The following CNBD1 variants were observed in gnomAD, a reference collection of about 807,000 sequenced individuals.
CNBD1 encodes cyclic nucleotide-binding domain-containing protein 1.
Under a neutral mutation model 54.4 loss-of-function variants are expected in CNBD1, and 71 were observed. The observed-to-expected ratio is 1.30, with a 90% CI of 1.08 to 1.59. The LOEUF (loss-of-function observed/expected upper bound fraction) is 1.59, where lower values mean the gene tolerates loss of function less well. Among genes scored for constraint, CNBD1 ranks in the 40% most tolerant of loss-of-function variants. The pLI, the probability that CNBD1 is intolerant of heterozygous loss-of-function variation, is 0.00. For synonymous variants in CNBD1, 182 were observed against 170.7 expected (o/e 1.07, Z -0.51); for missense variants, 659 against 518.0 (o/e 1.27, Z -2.64).
At chr8:87,383,177 A>T (rs1563580181), downstream of CNBD1, among the ~76,000 whole-genome samples, 1 of 152,080 alleles carries the variant, frequency 6.6e-6, no homozygotes, top group Non-Finnish European at 1.5e-5. Flanking sequence ...TAATAAAGTC[A>T]TTTCCTTGAT....
intron 4 of CNBD1, among the ~76,000 whole-genome samples, chr8:86,999,020 A>G (rs916465790): frequency 6.6e-6 from 1 of 152,228 alleles, no homozygotes; most frequent in Non-Finnish European, 1.5e-5. Context: ...ACTTTGGTCA[A>G]TTGTAATCAC....
chr8:86,970,750 C>T (rs1341629522), intron 4 of CNBD1, among the ~76,000 whole-genome samples: 2 of 152,114 alleles, frequency 1.3e-5, no homozygotes, highest in Non-Finnish European at 2.9e-5. Context: ...AATTTATGAC[C>T]TCCAGCTGCA....
intron 1 of CNBD1, among the ~76,000 whole-genome samples, chr8:86,870,343 C>T (rs1342422103): frequency 1.3e-5 from 2 of 151,614 alleles, no homozygotes; most frequent in African/African-American, 2.4e-5. Context: ...ATATGTTAGT[C>T]GCAGCCACGC....
intron 4 of CNBD1, among the ~76,000 whole-genome samples, chr8:87,199,676 A>C (rs1007575522): frequency 1.3e-5 from 2 of 152,192 alleles, no homozygotes; most frequent in African/African-American, 4.8e-5. Flanking sequence ...ACCTTTTGAC[A>C]AATAACTTTC....
chr8:86,981,896 G>C (rs1347993588), intron 4 of CNBD1, among the ~76,000 whole-genome samples: 1 of 152,124 alleles, frequency 6.6e-6, no homozygotes, highest in Non-Finnish European at 1.5e-5. Context: ...GACATCTGTT[G>C]TCTGTTCACA....
chr8:87,184,971 TTTTA>T (rs761141294), intron 4 of CNBD1, among the ~76,000 whole-genome samples: 4 of 152,206 alleles, frequency 2.6e-5, no homozygotes, highest in African/African-American at 9.6e-5. Context: ...CTTTTGAGTT[TTTTA>T]TTTGACTTCT....
At chr8:87,357,838 G>T (rs1460107054) in intron 10 of CNBD1, among the ~76,000 whole-genome samples, 1 of 152,060 alleles carries the variant, frequency 6.6e-6, no homozygotes, top group Non-Finnish European at 1.5e-5. Flanking sequence ...CAGGTTGAAG[G>T]GTGATCCTCA....
chr8:87,223,845 T>C (rs1449783024), intron 5 of CNBD1, among the ~76,000 whole-genome samples: 1 of 152,116 alleles, frequency 6.6e-6, no homozygotes, highest in Non-Finnish European at 1.5e-5. Flanking sequence ...TGAACTAGTT[T>C]ACAGTCCCAC....
At chr8:86,983,199 AC>A (rs1808526813) in intron 4 of CNBD1, among the ~76,000 whole-genome samples, 1 of 152,146 alleles carries the variant, frequency 6.6e-6, no homozygotes, top group Admixed American at 6.6e-5. Flanking sequence ...AATAAGTCTC[AC>A]AAGATCTGAT....
At chr8:86,996,864 T>C (rs1414189291) in intron 4 of CNBD1, among the ~76,000 whole-genome samples, 1 of 152,222 alleles carries the variant, frequency 6.6e-6, no homozygotes, top group African/African-American at 2.4e-5. Flanking sequence ...ACTAAAGCAC[T>C]GGCAGATTTG....
chr8:86,873,875 T>C (rs1268274128), intron 1 of CNBD1, among the ~76,000 whole-genome samples: 1 of 152,206 alleles, frequency 6.6e-6, no homozygotes, highest in African/African-American at 2.4e-5. Flanking sequence ...TCTAGAGCAA[T>C]TTGACATTCC....
At chr8:87,353,844 T>A in intron 10 of CNBD1, 58 bp downstream of exon 10, 1 of 1,330,626 alleles carries the variant, frequency 7.5e-7, no homozygotes, top group Non-Finnish European at 1.0e-6. Flanking sequence ...GTTCTTAAAT[T>A]TTTTAAATTT....
In CNBD1 at chr8:87,219,153, G is replaced by A. The variant is rs141952400; in HGVS notation, c.577+13015G>A. 5.3e-4 allele frequency among the ~76,000 whole-genome samples: 80 copies of A among 152,092 alleles called. 1 individual carries two copies. Among genetic ancestry groups the A allele is most frequent in the African/African-American group, 1.8e-3 (74 of 41,554 alleles). On this transcript the variant is annotated intron_variant, in intron 5 of 10. Coordinates refer to ENST00000518476, the MANE Select transcript of CNBD1 (RefSeq NM_173538.3). ...TGATACATGAGGCTTAGACATACGT[G>A]TGTCATTTGATAACTGTCTTAAATA...
intron 4 of CNBD1, among the ~76,000 whole-genome samples, chr8:86,982,134 T>C (rs924816123): frequency 6.6e-6 from 1 of 152,198 alleles, no homozygotes; most frequent in African/African-American, 2.4e-5. Flanking sequence ...ACTATGGATT[T>C]AATTTTCATT....
At chr8:87,024,864 C>G (rs1809598348) in intron 4 of CNBD1, among the ~76,000 whole-genome samples, 1 of 151,804 alleles carries the variant, frequency 6.6e-6, no homozygotes, top group South Asian at 2.1e-4. Flanking sequence ...AACAATAATC[C>G]CAAGAAACTG....
intron 3 of CNBD1, among the ~76,000 whole-genome samples, chr8:86,905,456 G>A (rs552636554): frequency 1.3e-5 from 2 of 152,042 alleles, no homozygotes; most frequent in Non-Finnish European, 2.9e-5. Flanking sequence ...ACTAATGAAC[G>A]GCAGTGTTTA....
At chr8:86,896,629 T>G (rs1808852103) in intron 2 of CNBD1, among the ~76,000 whole-genome samples, 1 of 152,222 alleles carries the variant, frequency 6.6e-6, no homozygotes, top group African/African-American at 2.4e-5. Flanking sequence ...AAAAATCTAC[T>G]AATTTTTTAT....
At chr8:86,888,223 C>T (rs902228434) in intron 2 of CNBD1, among the ~76,000 whole-genome samples, 4 of 152,156 alleles carry the variant, frequency 2.6e-5, no homozygotes, top group African/African-American at 9.7e-5. Flanking sequence ...TACTTTAAAA[C>T]ATCTCCAAGT....
At chr8:87,063,149 C>G (rs566123536) in intron 4 of CNBD1, among the ~76,000 whole-genome samples, 1 of 152,270 alleles carries the variant, frequency 6.6e-6, no homozygotes, top group African/African-American at 2.4e-5. Flanking sequence ...ATGGTGGGTA[C>G]TCAAGCAACC....
Sources: gnomAD v4.1 joint callset for allele counts (sites outside exome capture counted in the v4.1 genomes callset) on GRCh38, gnomAD v4.1.1 for gene constraint, MANE v1.5 for transcripts, NCBI Gene and HGNC (gene_info 2026-07-23, HGNC 2026-07-21) for gene names.